SLC4A4: variants seen among roughly 807,000 people sequenced by gnomAD.
The protein encoded by SLC4A4 is electrogenic sodium bicarbonate cotransporter 1.
In SLC4A4, 27 loss-of-function variants were observed where a neutral mutation model predicts 111.5. That is an observed-to-expected ratio of 0.24 (90% confidence interval 0.18 to 0.33). The LOEUF (loss-of-function observed/expected upper bound fraction) is 0.33. SLC4A4 is among the 10% of genes least tolerant of loss of function. The pLI, the probability that SLC4A4 is intolerant of heterozygous loss-of-function variation, is 1.00. For missense variants in SLC4A4, 909 were observed against 1,315.5 expected (o/e 0.69, Z 4.78); for synonymous variants, 443 against 463.4 (o/e 0.96, Z 0.57).
intron 18 of SLC4A4, among the ~76,000 whole-genome samples, chr4:71,537,374 A>G (rs550884974): frequency 1.2e-3 from 163 of 138,988 alleles, no homozygotes; most frequent in Non-Finnish European, 2.1e-3. Flanking sequence ...ATATGTGTGT[A>G]TATATACATA....
chr4:71,306,165 G>A lies in SLC4A4; in HGVS notation c.254-33205G>A, dbSNP rs113972176. 3.2e-3 allele frequency among the ~76,000 whole-genome samples: 488 copies of A among 152,258 alleles called. 4 individuals are homozygous for A. Among genetic ancestry groups the A allele is most frequent in the Middle Eastern group, 0.014 (4 of 294 alleles). On this transcript the variant is annotated intron_variant, in intron 3 of 25. Transcript: ENST00000264485. ...AATTCTCTTAGTGACAGTACACCAGGGTGGTTAAGAGCATAGGTTCTGAAG... is the reference window on the plus strand; with the variant it reads ...AATTCTCTTAGTGACAGTACACCAGAGTGGTTAAGAGCATAGGTTCTGAAG...
chr4:71,215,856 C>G (rs547523008), intron 1 of SLC4A4, among the ~76,000 whole-genome samples: 1 of 151,408 alleles, frequency 6.6e-6, no homozygotes, highest in Non-Finnish European at 1.5e-5. Flanking sequence ...GTTGTTTTAC[C>G]GAACAAAATA....
intron 6 of SLC4A4, among the ~76,000 whole-genome samples, chr4:71,391,837 C>T (rs1194422023): frequency 6.6e-6 from 1 of 151,950 alleles, no homozygotes; most frequent in Non-Finnish European, 1.5e-5. Flanking sequence ...CTGGTTGTAG[C>T]TTTGAGTGGA....
chr4:71,105,278 A>T (rs903601473), intron 2 of SLC4A4, among the ~76,000 whole-genome samples: 3 of 150,518 alleles, frequency 2.0e-5, no homozygotes, highest in Admixed American at 2.0e-4. Flanking sequence ...AAGAGGATAC[A>T]AACAAATGGA....
At chr4:71,311,890 T>TGAGAGAGAGGGA (rs1726205517) in intron 3 of SLC4A4, among the ~76,000 whole-genome samples, 1 of 76,540 alleles carries the variant, frequency 1.3e-5, no homozygotes, top group Non-Finnish European at 2.6e-5. Context: ...TGCAAGGCTG[T>TGAGAGAGAGGGA]GAGAGAGAGA....
intron 2 of SLC4A4, among the ~76,000 whole-genome samples, chr4:71,161,721 G>C (rs1363209964): frequency 6.6e-6 from 1 of 152,172 alleles, no homozygotes; most frequent in East Asian, 1.9e-4. Flanking sequence ...CAGTGTAGGA[G>C]CCTGGCAGGT....
intron 2 of SLC4A4, among the ~76,000 whole-genome samples, chr4:71,114,688 A>G (rs1743198013): frequency 6.7e-6 from 1 of 148,176 alleles, no homozygotes; most frequent in South Asian, 2.1e-4. Context: ...AGGAAACAAC[A>G]GGTGCTGGAG....
chr4:71,373,964 C>T (rs577313306), intron 6 of SLC4A4, among the ~76,000 whole-genome samples: 1 of 152,236 alleles, frequency 6.6e-6, no homozygotes, highest in East Asian at 1.9e-4. Context: ...TTTACAGAAG[C>T]ATGACAGTTA....
intron 13 of SLC4A4, among the ~76,000 whole-genome samples, chr4:71,472,059 T>C (rs567406137): frequency 1.3e-5 from 2 of 152,018 alleles, no homozygotes; most frequent in Admixed American, 1.3e-4. Flanking sequence ...ACAGGCCATC[T>C]TGTGCCACGT....
At chr4:71,480,003 G>A (rs992031112) in intron 14 of SLC4A4, among the ~76,000 whole-genome samples, 1 of 146,190 alleles carries the variant, frequency 6.8e-6, no homozygotes, top group African/African-American at 2.5e-5. Context: ...GTGAAATTGG[G>A]GACAAAATAT....
intron 3 of SLC4A4, among the ~76,000 whole-genome samples, chr4:71,280,379 T>A (rs553008549): frequency 6.6e-6 from 1 of 152,358 alleles, no homozygotes; most frequent in African/African-American, 2.4e-5. Context: ...TTTCCTTTGC[T>A]GTGCAAAAAC....
intron 6 of SLC4A4, among the ~76,000 whole-genome samples, chr4:71,358,689 T>C (rs1578912658): frequency 6.6e-6 from 1 of 152,200 alleles, no homozygotes; most frequent in African/African-American, 2.4e-5. Flanking sequence ...AATATTTTGG[T>C]TTTTATGTCT....
chr4:71,223,333 G>A lies in SLC4A4; in HGVS notation c.-1-13243G>A, dbSNP rs141374849. Among the ~76,000 whole-genome samples the A allele has an allele frequency of 7.4e-4, 112 of 151,808 alleles. 1 individual carries two copies. The highest frequency in any genetic ancestry group is 2.6e-3 in the African/African-American group (109 of 41,378). Reference sequence around the variant, plus strand: ...TGGGACTACAGGCACCCACCCCCGCGCCTGTCTAATTTTTTGTATTTTTAG... The same window carrying A: ...TGGGACTACAGGCACCCACCCCCGCACCTGTCTAATTTTTTGTATTTTTAG... On this transcript the variant is annotated intron_variant, in intron 1 of 25. Coordinates refer to ENST00000264485, the MANE Select transcript of SLC4A4 (RefSeq NM_001098484.3).
intron 3 of SLC4A4, among the ~76,000 whole-genome samples, chr4:71,337,067 A>G (rs959500701): frequency 1.3e-5 from 2 of 152,218 alleles, no homozygotes; most frequent in Non-Finnish European, 2.9e-5. Context: ...TCAATCACTG[A>G]CATATTTTAA....
At chr4:71,112,903 G>T (rs1202518240) in intron 2 of SLC4A4, among the ~76,000 whole-genome samples, 1 of 152,200 alleles carries the variant, frequency 6.6e-6, no homozygotes, top group East Asian at 1.9e-4. Flanking sequence ...GAGATGACAG[G>T]TATCATTGTC....
At chr4:71,475,179 G>A (rs1728248752) in intron 14 of SLC4A4, among the ~76,000 whole-genome samples, 1 of 151,586 alleles carries the variant, frequency 6.6e-6, no homozygotes, top group Non-Finnish European at 1.5e-5. Context: ...AAAACACTTT[G>A]AGATATTCAT....
intron 2 of SLC4A4, among the ~76,000 whole-genome samples, chr4:71,114,259 A>G (rs986697095): frequency 6.6e-6 from 1 of 152,124 alleles, no homozygotes; most frequent in Non-Finnish European, 1.5e-5. Context: ...AAACAAACAA[A>G]CAAACATAGG....
intron 7 of SLC4A4, among the ~76,000 whole-genome samples, chr4:71,400,896 T>A (rs1720297146): frequency 6.6e-6 from 1 of 152,196 alleles, no homozygotes; most frequent in East Asian, 1.9e-4. Context: ...TATGTTTGTT[T>A]TGAGAAAGCT....
At chr4:71,203,683 G>A (rs1465382930) in intron 1 of SLC4A4, among the ~76,000 whole-genome samples, 2 of 152,146 alleles carry the variant, frequency 1.3e-5, no homozygotes, top group Admixed American at 6.5e-5. Context: ...CATATTGTAA[G>A]AAGGAAAATC....
Sources: gnomAD v4.1 joint callset for allele counts (sites outside exome capture counted in the v4.1 genomes callset) on GRCh38, gnomAD v4.1.1 for gene constraint, MANE v1.5 for transcripts, NCBI Gene and HGNC (gene_info 2026-07-23, HGNC 2026-07-21) for gene names.